KLHL29: variants seen among roughly 807,000 people sequenced by gnomAD.
The protein encoded by KLHL29 is kelch-like protein 29.
KLHL29 carries 21 observed loss-of-function variants against 80.4 expected under a neutral mutation model. That is an observed-to-expected ratio of 0.26 (90% CI 0.19 to 0.38). The LOEUF (loss-of-function observed/expected upper bound fraction) is 0.38. Ranked by LOEUF, KLHL29 falls within the 10% of genes least tolerant of loss-of-function variation. The pLI is 1.00. For missense variants in KLHL29, 867 were observed against 1,223.9 expected (o/e 0.71, Z 4.35); for synonymous variants, 511 against 526.8 (o/e 0.97, Z 0.41).
intron 2 of KLHL29, among the ~76,000 whole-genome samples, chr2:23,554,768 A>G (rs1030588472): frequency 6.6e-6 from 1 of 152,152 alleles, no homozygotes; most frequent in Non-Finnish European, 1.5e-5. Flanking sequence ...ATGCAAACAC[A>G]CAGAGGCTCA....
At chr2:23,687,284 T>G (rs1671305597) in intron 6 of KLHL29, among the ~76,000 whole-genome samples, 1 of 152,164 alleles carries the variant, frequency 6.6e-6, no homozygotes, top group Non-Finnish European at 1.5e-5. Context: ...GATCCCTCCC[T>G]GCTGTCCCCG....
chr2:23,414,450 A>G (rs900429708), intron 1 of KLHL29, among the ~76,000 whole-genome samples: 1 of 152,250 alleles, frequency 6.6e-6, no homozygotes, highest in Non-Finnish European at 1.5e-5. Context: ...GACAGTGAGT[A>G]GGAGAGACCC....
chr2:23,387,471 A>C lies in KLHL29; in HGVS notation c.-154+1691A>C, dbSNP rs1021490431. ...TGAGGAATTGCTTCATTTTCAGATG[A>C]ATGACAGCAGACTTGTCCCACCTCA... On this transcript the variant is annotated intron_variant, in intron 1 of 13. Transcript: ENST00000486442. 3.3e-5 allele frequency among the ~76,000 whole-genome samples: 5 copies of C among 151,920 alleles called. No homozygotes were observed. The South Asian group carries it at 8.3e-4, about 25-fold the overall frequency.
In KLHL29 at chr2:23,550,247, T is replaced by C. The variant is rs995067906; in HGVS notation, c.-45-11905T>C. On this transcript the variant is annotated intron_variant, in intron 2 of 13. Coordinates refer to ENST00000486442, the MANE Select transcript of KLHL29 (RefSeq NM_052920.2). ...CAGATCGTGCATTAACCCAAGGGCA[T>C]GCCTGGGGAATTGCTTGAGAGGGAA... 5.3e-5 allele frequency among the ~76,000 whole-genome samples: 8 copies of C among 152,118 alleles called. 1 individual carries two copies. The highest frequency in any genetic ancestry group is 1.9e-4 in the African/African-American group (8 of 41,424).
chr2:23,455,265 A>G (rs1664016194), intron 1 of KLHL29, among the ~76,000 whole-genome samples: 2 of 152,180 alleles, frequency 1.3e-5, no homozygotes, highest in African/African-American at 2.4e-5. Flanking sequence ...CTCTGTAAAA[A>G]GGTTACCTGA....
At chr2:23,606,773 C>G (rs1050657764) in intron 3 of KLHL29, among the ~76,000 whole-genome samples, 1 of 152,214 alleles carries the variant, frequency 6.6e-6, no homozygotes, top group Non-Finnish European at 1.5e-5. Flanking sequence ...AACCCACACT[C>G]AATGGCAGGC....
intron 2 of KLHL29, among the ~76,000 whole-genome samples, chr2:23,535,611 AG>A (rs1666637108): frequency 6.6e-6 from 1 of 152,242 alleles, no homozygotes; most frequent in Non-Finnish European, 1.5e-5. Context: ...ACTACAACAT[AG>A]ATGAACCTTG....
intron 3 of KLHL29, among the ~76,000 whole-genome samples, chr2:23,584,532 A>T (rs1668068733): frequency 6.6e-6 from 1 of 152,238 alleles, no homozygotes. Flanking sequence ...TTGGAGGAAC[A>T]TGGCAACAGC....
rs1414492384 is a variant in KLHL29 at position 23,597,305 on chromosome 2, A to ATGTG, written c.285+34825_285+34826insGTGT. 1.4e-3 allele frequency among the ~76,000 whole-genome samples: 137 copies of ATGTG among 97,556 alleles called. 1 individual carries two copies. Among genetic ancestry groups the ATGTG allele is most frequent in the South Asian group, 0.012 (33 of 2,810 alleles). The allele number at this position is 97,556 out of a possible 152,430, so 64.0% of individuals were successfully genotyped here. On this transcript the variant is annotated intron_variant, in intron 3 of 13. Transcript: ENST00000486442. ...CTATCTCTCTCTCTCTCATATATAT[A>ATGTG]TATATGTGTGTGTGTGTGTGTGTGT... is the stretch of plus-strand genomic sequence containing the variant.
chr2:23,562,066 C>A lies in KLHL29; in HGVS notation c.-45-86C>A. ...TAATGTTTGAAGGCCTGTTATTGAACCCAGAGAAGGGGCTTCATGGATGCT... is the reference window on the plus strand; with the variant it reads ...TAATGTTTGAAGGCCTGTTATTGAAACCAGAGAAGGGGCTTCATGGATGCT... On this transcript the variant is annotated intron_variant, in intron 2 of 13. Transcript: ENST00000486442. This position sits in a 1 kb window ranked among gnomAD's most constrained non-coding sequence, Gnocchi z 4.5. 2 of 1,022,448 alleles carry A rather than the reference C, an allele frequency of 2.0e-6. No homozygotes were observed. Among genetic ancestry groups the A allele is most frequent in the South Asian group, 1.5e-5 (1 of 65,534 alleles). The allele number at this position is 1,022,448 out of a possible 1,614,324, so 63.3% of individuals were successfully genotyped here.
At chr2:23,589,690 T>C (rs530785040) in intron 3 of KLHL29, among the ~76,000 whole-genome samples, 5 of 152,334 alleles carry the variant, frequency 3.3e-5, no homozygotes, top group African/African-American at 7.2e-5. Context: ...TTTTCCTCTC[T>C]GCCTCAGAGG....
chr2:23,443,671 G>A (rs886777331), intron 1 of KLHL29, among the ~76,000 whole-genome samples: 6 of 152,170 alleles, frequency 3.9e-5, no homozygotes, highest in Non-Finnish European at 7.3e-5. Context: ...TGCAGGTTAT[G>A]CACTTTTCGT....
At chr2:23,566,658 A>G (rs934952378) in intron 3 of KLHL29, among the ~76,000 whole-genome samples, 8 of 152,262 alleles carry the variant, frequency 5.3e-5, no homozygotes, top group African/African-American at 1.7e-4. Flanking sequence ...TGAGTCTGAC[A>G]GCACTGGGAT....
chr2:23,645,567 C>T (rs915509813), intron 5 of KLHL29, among the ~76,000 whole-genome samples: 9 of 152,198 alleles, frequency 5.9e-5, no homozygotes, highest in African/African-American at 7.2e-5. Context: ...TTAAAGTCCC[C>T]GATATTCCCT....
chr2:23,477,505 C>G (rs1664671558), intron 2 of KLHL29, among the ~76,000 whole-genome samples: 1 of 152,278 alleles, frequency 6.6e-6, no homozygotes, highest in Non-Finnish European at 1.5e-5. Context: ...GTTCCCCACC[C>G]TGTGACCCCA....
rs546850125 is a variant in KLHL29 at position 23,562,542 on chromosome 2, C to G, written c.285+61C>G. On this transcript the variant is annotated intron_variant, in intron 3 of 13. Transcript: ENST00000486442. The surrounding 1 kb of genome is among the most constrained non-coding windows in gnomAD (Gnocchi z 4.5). Reference sequence around the variant, plus strand: ...CAGAGGGGCCCTGCCTCCCTGCAGGCTCAGGCCAGCCCCACAGGCTCCTGT... The same window carrying G: ...CAGAGGGGCCCTGCCTCCCTGCAGGGTCAGGCCAGCCCCACAGGCTCCTGT... The G allele has an allele frequency of 6.7e-7, 1 of 1,502,734 alleles. No homozygotes were observed. The highest frequency in any genetic ancestry group is 1.4e-5 in the African/African-American group (1 of 72,328). The allele number at this position is 1,502,734 out of a possible 1,614,324, so 93.1% of individuals were successfully genotyped here. A position where few individuals can be genotyped will look rare whatever the true frequency, so the allele number is the denominator to read the frequency against.
intron 3 of KLHL29, among the ~76,000 whole-genome samples, chr2:23,566,207 C>T (rs1667585887): frequency 6.6e-6 from 1 of 152,234 alleles, no homozygotes; most frequent in African/African-American, 2.4e-5. Flanking sequence ...TGCTGAAGTA[C>T]AGGGAGGGTC....
chr2:23,613,763 C>CAAAAAAAA (rs1157736706), intron 3 of KLHL29, among the ~76,000 whole-genome samples: 4,131 of 63,532 alleles, frequency 0.065, 517 homozygotes, highest in Middle Eastern at 0.1. Flanking sequence ...GACTCCATCT[C>CAAAAAAAA]AAAAAAAAAA....
chr2:23,472,502 C>T lies in KLHL29; in HGVS notation c.-153-3058C>T, dbSNP rs567677672. ...TACAAAAATTAGCCGGGCATGGCGG[C>T]GTGTGCCTGTAGTCCCAGCTACTTG... is the stretch of plus-strand genomic sequence containing the variant. On this transcript the variant is annotated intron_variant, in intron 1 of 13. Coordinates refer to ENST00000486442, the MANE Select transcript of KLHL29 (RefSeq NM_052920.2). Among the ~76,000 whole-genome samples the T allele has an allele frequency of 4.3e-3, 653 of 152,256 alleles. 2 individuals are homozygous for T. Among genetic ancestry groups the T allele is most frequent in the African/African-American group, 7.0e-3 (290 of 41,554 alleles).
Sources: gnomAD v4.1 joint callset for allele counts (sites outside exome capture counted in the v4.1 genomes callset) on GRCh38, gnomAD v4.1.1 for gene constraint, Gnocchi (gnomAD v3.1) non-coding constraint, MANE v1.5 for transcripts, NCBI Gene and HGNC (gene_info 2026-07-23, HGNC 2026-07-21) for gene names.